The following NRG3 variants were observed in gnomAD, a reference collection of about 807,000 sequenced individuals.
NRG3 encodes pro-neuregulin-3, membrane-bound isoform.
A neutral mutation model predicts 66.9 loss-of-function variants in NRG3; 31 were observed. That is an observed-to-expected ratio of 0.46 (90% CI 0.35 to 0.63). The LOEUF is 0.63. Among genes scored for constraint, NRG3 ranks in the 20% least tolerant of loss-of-function variants. The pLI is 0.00. For synonymous variants in NRG3, 393 were observed against 359.4 expected (o/e 1.09, Z -1.06); for missense variants, 910 against 878.9 (o/e 1.04, Z -0.45).
intron 3 of NRG3, among the ~76,000 whole-genome samples, chr10:82,829,786 G>T (rs550613187): frequency 1.3e-5 from 2 of 152,216 alleles, no homozygotes; most frequent in South Asian, 2.1e-4. Context: ...TTAAAAGCTT[G>T]GTGGAACAGA....
At chr10:82,984,563 G>T (rs1853256876) in intron 8 of NRG3, among the ~76,000 whole-genome samples, 1 of 152,202 alleles carries the variant, frequency 6.6e-6, no homozygotes, top group African/African-American at 2.4e-5. Flanking sequence ...CCTAAAATCA[G>T]TGTGAAGCAG....
intron 2 of NRG3, among the ~76,000 whole-genome samples, chr10:82,540,108 A>C (rs1223134801): frequency 6.6e-6 from 1 of 151,326 alleles, no homozygotes; most frequent in Non-Finnish European, 1.5e-5. Context: ...CAGTAGGAGA[A>C]GTGGACTGCT....
chr10:82,350,684 C>T (rs2083379245), intron 1 of NRG3, among the ~76,000 whole-genome samples: 1 of 152,142 alleles, frequency 6.6e-6, no homozygotes, highest in South Asian at 2.1e-4. Flanking sequence ...GTCTAAAAGT[C>T]GCCATATGTG....
intron 1 of NRG3, among the ~76,000 whole-genome samples, chr10:82,136,249 T>C (rs377349611): frequency 2.0e-5 from 3 of 152,200 alleles, no homozygotes; most frequent in African/African-American, 7.2e-5. Flanking sequence ...AGGGAGGTGC[T>C]ACCACCATTG....
intron 1 of NRG3, among the ~76,000 whole-genome samples, chr10:82,015,288 T>C (rs1019045281): frequency 7.9e-5 from 12 of 152,318 alleles, no homozygotes; most frequent in African/African-American, 2.9e-4. Flanking sequence ...TTGGAACATG[T>C]AATGTATTTG....
intron 1 of NRG3, among the ~76,000 whole-genome samples, chr10:82,154,878 A>C (rs563498148): frequency 6.6e-6 from 1 of 151,914 alleles, no homozygotes; most frequent in South Asian, 2.1e-4. Flanking sequence ...TAGGAAATGT[A>C]CTGATTTTTG....
intron 2 of NRG3, among the ~76,000 whole-genome samples, chr10:82,721,788 G>A (rs1211948152): frequency 2.6e-5 from 4 of 152,042 alleles, no homozygotes; most frequent in South Asian, 4.1e-4. Flanking sequence ...TATCCCCTAC[G>A]TTGCCTTCTG....
At chr10:82,800,498 A>G (rs951769152) in intron 3 of NRG3, among the ~76,000 whole-genome samples, 3 of 152,196 alleles carry the variant, frequency 2.0e-5, no homozygotes, top group African/African-American at 7.2e-5. Flanking sequence ...TCTGTTTTAC[A>G]GTAATTTACT....
intron 1 of NRG3, among the ~76,000 whole-genome samples, chr10:82,355,553 A>T (rs2083720191): frequency 6.6e-6 from 1 of 152,206 alleles, no homozygotes. Flanking sequence ...GTTGTAAGTG[A>T]TAGAAAACCT....
In NRG3 at chr10:81,978,362, T is replaced by G. The variant is rs117737552; in HGVS notation, c.823+102199T>G. ...TTTATTATGGCATAATTCTTAAAAT[T>G]TATGCTATTGCTTTGAGAAGCACAT... On this transcript the variant is annotated intron_variant, in intron 1 of 8. Coordinates refer to ENST00000372141, the MANE Select transcript of NRG3 (RefSeq NM_001010848.4). Among the ~76,000 whole-genome samples, 1,342 of 152,300 alleles carry G rather than the reference T, an allele frequency of 8.8e-3. 12 individuals carry two copies. Among genetic ancestry groups the G allele is most frequent in the South Asian group, 0.034 (163 of 4,820 alleles).
At chr10:82,110,829 G>A (rs2067341666) in intron 1 of NRG3, among the ~76,000 whole-genome samples, 1 of 152,054 alleles carries the variant, frequency 6.6e-6, no homozygotes. Context: ...CAAGGGAGAT[G>A]TGTGGATCAG....
At chr10:82,716,096 A>T (rs886410893) in intron 2 of NRG3, among the ~76,000 whole-genome samples, 4 of 152,190 alleles carry the variant, frequency 2.6e-5, no homozygotes, top group Admixed American at 6.5e-5. Flanking sequence ...TACACACAGA[A>T]AATGAACTTG....
Position 81,944,359 on chromosome 10 carries a change from A to T in NRG3, c.823+68196A>T, listed in dbSNP as rs569583393. Among the ~76,000 whole-genome samples, 246 of 152,362 alleles carry T rather than the reference A, an allele frequency of 1.6e-3. 1 individual carries two copies. The highest frequency in any genetic ancestry group is 2.7e-3 in the Non-Finnish European group (181 of 68,038). On this transcript the variant is annotated intron_variant, in intron 1 of 8. Coordinates refer to ENST00000372141, the MANE Select transcript of NRG3 (RefSeq NM_001010848.4). The stretch of plus-strand genomic sequence containing the variant: ...TAGAAAGTCATTGTATAGCTACAAG[A>T]GAGTTTTAAAAATTGCATAATATGC...
intron 3 of NRG3, among the ~76,000 whole-genome samples, chr10:82,741,647 G>A (rs2058428792): frequency 6.6e-6 from 1 of 152,080 alleles, no homozygotes; most frequent in Admixed American, 6.5e-5. Context: ...ACATTTTATA[G>A]ATGAGAAAAT....
At chr10:82,371,748 ACT>A (rs2084910358) in intron 2 of NRG3, among the ~76,000 whole-genome samples, 1 of 152,098 alleles carries the variant, frequency 6.6e-6, no homozygotes, top group Admixed American at 6.5e-5. Context: ...GGGTGCTTCC[ACT>A]CCTGGAGGAA....
At chr10:82,752,830 A>C (rs1019791665) in intron 3 of NRG3, among the ~76,000 whole-genome samples, 1 of 152,158 alleles carries the variant, frequency 6.6e-6, no homozygotes, top group Non-Finnish European at 1.5e-5. Flanking sequence ...CAGCACTTTG[A>C]TCTTGGACTT....
intron 3 of NRG3, among the ~76,000 whole-genome samples, chr10:82,842,305 A>G (rs991200325): frequency 8.5e-5 from 13 of 152,302 alleles, no homozygotes; most frequent in African/African-American, 3.1e-4. Context: ...ACTTGTATAC[A>G]TGCCAGTAGT....
chr10:82,388,441 G>T (rs1423652881), intron 2 of NRG3, among the ~76,000 whole-genome samples: 1 of 152,110 alleles, frequency 6.6e-6, no homozygotes, highest in African/African-American at 2.4e-5. Flanking sequence ...AAAATAGGTG[G>T]CTGTGATCAA....
intron 2 of NRG3, among the ~76,000 whole-genome samples, chr10:82,568,353 C>G (rs139203701): frequency 2.0e-3 from 303 of 151,990 alleles, no homozygotes; most frequent in African/African-American, 7.0e-3. Context: ...TCTGTGAAAA[C>G]ACTGAACACA....
Sources: gnomAD v4.1 joint callset for allele counts (sites outside exome capture counted in the v4.1 genomes callset) on GRCh38, gnomAD v4.1.1 for gene constraint, MANE v1.5 for transcripts, NCBI Gene and HGNC (gene_info 2026-07-23, HGNC 2026-07-21) for gene names.